DLG2: variants seen among roughly 807,000 people sequenced by gnomAD.
DLG2 encodes disks large homolog 2.
DLG2 carries 45 observed loss-of-function variants against 132.5 expected under a neutral mutation model. That is an observed-to-expected ratio of 0.34 (90% CI 0.27 to 0.44). The LOEUF (loss-of-function observed/expected upper bound fraction) is 0.44. DLG2 is among the 20% of genes least tolerant of loss of function. DLG2 has a pLI of 1.00. For synonymous variants in DLG2, 424 were observed against 419.6 expected (o/e 1.01, Z -0.13); for missense variants, 1,045 against 1,196.9 (o/e 0.87, Z 1.87).
chr11:85,103,717 A>C (rs2071247785), intron 6 of DLG2, among the ~76,000 whole-genome samples: 2 of 151,950 alleles, frequency 1.3e-5, no homozygotes, highest in African/African-American at 2.4e-5. Flanking sequence ...AAAAAAAGAT[A>C]AATTAGACTT....
At chr11:85,413,700 G>A (rs757786332) in intron 3 of DLG2, among the ~76,000 whole-genome samples, 1 of 151,826 alleles carries the variant, frequency 6.6e-6, no homozygotes. Flanking sequence ...CTTTGTTGAC[G>A]ATCAGTTAGC....
chr11:85,622,845 G>C (rs1261802824), intron 2 of DLG2, among the ~76,000 whole-genome samples: 1 of 152,130 alleles, frequency 6.6e-6, no homozygotes, highest in East Asian at 1.9e-4. Flanking sequence ...GGATAACGAG[G>C]TCAGGAGTTC....
At chr11:84,020,973 TA>T (rs1039319122) in intron 11 of DLG2, among the ~76,000 whole-genome samples, 3 of 152,140 alleles carry the variant, frequency 2.0e-5, no homozygotes, top group Non-Finnish European at 4.4e-5. Flanking sequence ...ACTTTCTTCC[TA>T]AATCAGTAGG....
intron 6 of DLG2, among the ~76,000 whole-genome samples, chr11:84,964,256 T>C (rs897354437): frequency 2.6e-5 from 4 of 152,124 alleles, no homozygotes; most frequent in Non-Finnish European, 4.4e-5. Flanking sequence ...CCCATTAAAA[T>C]GAAATTCATA....
In DLG2 at chr11:85,583,057, A is replaced by T. The variant is rs868650943; in HGVS notation, c.40+15600T>A. On this transcript the variant is annotated intron_variant, in intron 3 of 27. Transcript: ENST00000376104. ...GAACTAGAAACCAGGGGAAAAAAAA[A>T]ATATATATATATATATATATAATAT... Among the ~76,000 whole-genome samples, 727 of 101,584 alleles carry T rather than the reference A, an allele frequency of 7.2e-3. 12 individuals are homozygous for T. The highest frequency in any genetic ancestry group is 0.03 in the East Asian group (122 of 4,072). The allele number at this position is 101,584 out of a possible 152,430, so 66.6% of individuals were successfully genotyped here.
intron 6 of DLG2, among the ~76,000 whole-genome samples, chr11:84,857,604 C>T (rs888201322): frequency 6.6e-5 from 10 of 152,046 alleles, no homozygotes; most frequent in African/African-American, 2.4e-4. Context: ...GTACTTTTAA[C>T]ACTAAATTGG....
intron 7 of DLG2, among the ~76,000 whole-genome samples, chr11:84,378,726 C>G (rs921219453): frequency 4.0e-5 from 6 of 151,172 alleles, no homozygotes; most frequent in Admixed American, 1.3e-4. Context: ...GTCAAGAGAT[C>G]AAGTCCATCC....
At chr11:85,147,164 A>T (rs777932796) in intron 5 of DLG2, among the ~76,000 whole-genome samples, 8 of 152,170 alleles carry the variant, frequency 5.3e-5, no homozygotes, top group Non-Finnish European at 1.0e-4. Flanking sequence ...TATAGTATTT[A>T]AGCCAGCTAC....
chr11:84,488,373 T>C (rs534594301), intron 7 of DLG2, among the ~76,000 whole-genome samples: 117 of 152,110 alleles, frequency 7.7e-4, no homozygotes, highest in Non-Finnish European at 1.3e-3. Context: ...CCAGATCTTG[T>C]TGGAATTGGG....
chr11:84,648,827 C>A (rs1041794838), intron 6 of DLG2, among the ~76,000 whole-genome samples: 1 of 151,926 alleles, frequency 6.6e-6, no homozygotes, highest in African/African-American at 2.4e-5. Flanking sequence ...CAAGCCCTCA[C>A]CAGAAGCAGA....
chr11:84,790,712 G>T (rs905209966), intron 6 of DLG2, among the ~76,000 whole-genome samples: 6 of 152,188 alleles, frequency 3.9e-5, no homozygotes, highest in Non-Finnish European at 7.4e-5. Flanking sequence ...TAGTTGCAAA[G>T]ACTGAGGTCT....
intron 6 of DLG2, among the ~76,000 whole-genome samples, chr11:84,758,373 T>G (rs1177848479): frequency 6.6e-6 from 1 of 152,226 alleles, no homozygotes; most frequent in Non-Finnish European, 1.5e-5. Flanking sequence ...GACAAACTAT[T>G]TGCCCTCATC....
intron 17 of DLG2, among the ~76,000 whole-genome samples, chr11:83,808,509 G>T (rs1390372879): frequency 6.6e-6 from 1 of 152,146 alleles, no homozygotes; most frequent in African/African-American, 2.4e-5. Flanking sequence ...CTGAAACAGA[G>T]GACCTGGAAC....
At chr11:85,588,329 T>C (rs973268022) in intron 3 of DLG2, among the ~76,000 whole-genome samples, 1 of 152,198 alleles carries the variant, frequency 6.6e-6, no homozygotes, top group South Asian at 2.1e-4. Flanking sequence ...CACCAATTAT[T>C]CTTGGGTTTG....
chr11:84,387,740 G>C (rs2098776647), intron 7 of DLG2, among the ~76,000 whole-genome samples: 1 of 152,076 alleles, frequency 6.6e-6, no homozygotes, highest in Admixed American at 6.6e-5. Context: ...ATATCCCTTT[G>C]CCTTACGTAT....
At chr11:85,418,630 A>G (rs1458353763) in intron 3 of DLG2, among the ~76,000 whole-genome samples, 1 of 152,168 alleles carries the variant, frequency 6.6e-6, no homozygotes, top group African/African-American at 2.4e-5. Flanking sequence ...GTGCTCCTGT[A>G]TTAGGTGTAT....
chr11:84,706,056 C>A (rs1309248022), intron 6 of DLG2, among the ~76,000 whole-genome samples: 3 of 151,730 alleles, frequency 2.0e-5, no homozygotes, highest in African/African-American at 7.2e-5. Flanking sequence ...AGAGATGATA[C>A]AAAGTCCAGG....
intron 7 of DLG2, chr11:84,273,191 A>C (rs778217870): frequency 6.4e-7 from 1 of 1,572,118 alleles, no homozygotes; most frequent in African/African-American, 1.4e-5. Flanking sequence ...ACATTGTTTT[A>C]AGGAAGCAAT....
At chr11:85,178,487 A>G (rs1176751382) in intron 4 of DLG2, among the ~76,000 whole-genome samples, 2 of 152,006 alleles carry the variant, frequency 1.3e-5, no homozygotes, top group African/African-American at 4.8e-5. Flanking sequence ...TGAAGAAAGT[A>G]TTATACTAAA....
Sources: gnomAD v4.1 joint callset for allele counts (sites outside exome capture counted in the v4.1 genomes callset) on GRCh38, gnomAD v4.1.1 for gene constraint, MANE v1.5 for transcripts, NCBI Gene and HGNC (gene_info 2026-07-23, HGNC 2026-07-21) for gene names.